Variants in LRRC27 observed in about 807,000 individuals in gnomAD.
LRRC27 encodes the protein leucine rich repeat containing 27.
In LRRC27, 57 loss-of-function variants were observed where a neutral mutation model predicts 55.0. The observed-to-expected ratio is 1.04, with a 90% CI of 0.84 to 1.29. LRRC27 has a LOEUF of 1.29. Ranked by LOEUF, LRRC27 falls within the 50% of genes most tolerant of loss-of-function variation. The pLI, the probability that LRRC27 is intolerant of heterozygous loss-of-function variation, is 0.00. For missense variants in LRRC27, 721 were observed against 651.5 expected, an observed-to-expected ratio of 1.11 and a Z score of -1.16; for synonymous variants, 278 against 251.9, an observed-to-expected ratio of 1.10 and a Z score of -0.98.
intron 10 of LRRC27, among the ~76,000 whole-genome samples, chr10:132,368,510 T>C (rs1417388994): frequency 1.3e-5 from 2 of 152,176 alleles, no homozygotes; most frequent in Admixed American, 6.5e-5. Flanking sequence ...CACACAAATA[T>C]AGTTAACTGA....
chr10:132,357,649 G>C (rs924854278), intron 8 of LRRC27, among the ~76,000 whole-genome samples: 1 of 152,328 alleles, frequency 6.6e-6, no homozygotes, highest in East Asian at 1.9e-4. Flanking sequence ...CTCTGGGGAG[G>C]GGGGCGCAGA....
intron 2 of LRRC27, chr10:132,335,141 G>C (rs1359549081): frequency 6.6e-6 from 1 of 152,250 alleles, no homozygotes; most frequent in Non-Finnish European, 1.5e-5. Flanking sequence ...AATGGACTCA[G>C]AGAACAGTGG....
At chr10:132,342,397 C>G in intron 4 of LRRC27, 126 bp downstream of exon 4, 1 of 641,012 alleles carries the variant, frequency 1.6e-6, no homozygotes, top group Non-Finnish European at 2.6e-6. Context: ...CTTCCTACTT[C>G]TAGGACCAAG....
chr10:132,364,481 C>G lies in LRRC27; in HGVS notation c.1290-943C>G, dbSNP rs74208603. Among the ~76,000 whole-genome samples the G allele has an allele frequency of 1.2e-3, 10 of 8,524 alleles. No homozygotes were observed. In the East Asian group the frequency reaches 0.075, roughly 64 times the overall value. The allele number at this position is 8,524 out of a possible 152,430, so 5.6% of individuals were successfully genotyped here. ...CACACCCACCCACACTTACACCCACCCACACTTACACCCACCCTTACATCT... is the reference window on the plus strand; with the variant it reads ...CACACCCACCCACACTTACACCCACGCACACTTACACCCACCCTTACATCT... On this transcript the variant is annotated intron_variant, in intron 9 of 10. Transcript: ENST00000368614.
chr10:132,371,291 G>A (rs1044469874), intron 10 of LRRC27, among the ~76,000 whole-genome samples: 3 of 147,136 alleles, frequency 2.0e-5, no homozygotes, highest in Admixed American at 6.6e-5. Flanking sequence ...GGGGAAGTAG[G>A]AGGGACTGGA....
intron 2 of LRRC27, 139 bp from the exon 3 acceptor site, chr10:132,337,426 G>A: frequency 7.0e-7 from 1 of 1,436,718 alleles, no homozygotes; most frequent in Non-Finnish European, 9.1e-7. Flanking sequence ...TTAAGGGTAA[G>A]AGATTGGGTT....
rs1050341847 is a variant in LRRC27 at position 132,380,122 on chromosome 10, C to T, written c.*4880C>T. 1.3e-5 allele frequency among the ~76,000 whole-genome samples: 2 copies of T among 152,048 alleles called. No individual in the cohort carries two copies. Among genetic ancestry groups the T allele is most frequent in the African/African-American group, 2.4e-5 (1 of 41,376 alleles). ...GACCAGCCTGGCCAACATGGAGAAA[C>T]CCCGTGACTACTAAAAATAAAAAAT... On this transcript the variant is annotated 3_prime_UTR_variant, in exon 11 of 11. Coordinates refer to ENST00000368614, the MANE Select transcript of LRRC27 (RefSeq NM_030626.3).
chr10:132,359,735 G>C (rs987081268), intron 8 of LRRC27, among the ~76,000 whole-genome samples: 4 of 152,236 alleles, frequency 2.6e-5, no homozygotes, highest in African/African-American at 9.6e-5. Context: ...GTGAAGCCTG[G>C]GTCTGTCACC....
At position 132,333,746 on chromosome 10, in the gene LRRC27, T is replaced by C; in HGVS notation, c.210+12T>C. On this transcript the variant is annotated intron_variant, in intron 2 of 10. Coordinates refer to ENST00000368614, the MANE Select transcript of LRRC27 (RefSeq NM_030626.3). ...TCCCCAGCCTTCAAGTAAGTGGGGC[T>C]GCTCCTCAGGCTGTGTGCCCACAGG... The C allele has an allele frequency of 6.2e-7, 1 of 1,609,300 alleles. No homozygotes were observed. Among genetic ancestry groups the C allele is most frequent in the Non-Finnish European group, 8.5e-7 (1 of 1,178,110 alleles).
intron 5 of LRRC27, among the ~76,000 whole-genome samples, chr10:132,345,396 A>G (rs1420674673): frequency 3.3e-5 from 5 of 152,238 alleles, no homozygotes; most frequent in African/African-American, 1.2e-4. Flanking sequence ...GTCTTCGTAA[A>G]TAACGTGTGG....
chr10:132,335,880 A>G (rs1423481326), intron 2 of LRRC27, among the ~76,000 whole-genome samples: 1 of 152,186 alleles, frequency 6.6e-6, no homozygotes, highest in Non-Finnish European at 1.5e-5. Flanking sequence ...TTTGCGGGCT[A>G]GTAAACTTTC....
At chr10:132,345,877 T>C (rs1191900206) in intron 5 of LRRC27, among the ~76,000 whole-genome samples, 1 of 152,122 alleles carries the variant, frequency 6.6e-6, no homozygotes, top group Non-Finnish European at 1.5e-5. Flanking sequence ...ACTAAAGGAA[T>C]AGGAAACTGG....
chr10:132,330,267 C>A (rs985371715), upstream of LRRC27: 50 of 573,500 alleles, frequency 8.7e-5, no homozygotes, highest in East Asian at 1.4e-3. Context: ...GCAACAATAA[C>A]AAGCAAGAGG....
rs866614615 is a variant in LRRC27, at chr10:132,364,485, A to G, written c.1290-939A>G. On this transcript the variant is annotated intron_variant, in intron 9 of 10. Transcript: ENST00000368614. The stretch of plus-strand genomic sequence containing the variant: ...CCCACCCACACTTACACCCACCCAC[A>G]CTTACACCCACCCTTACATCTACCT... Among the ~76,000 whole-genome samples the G allele has an allele frequency of 2.6e-3, 251 of 96,112 alleles. 3 individuals are homozygous for G. The highest frequency in any genetic ancestry group is 4.7e-3 in the East Asian group (17 of 3,590). 63.1% of individuals were successfully genotyped at this position (96,112 alleles called of 152,430 possible). A position where few individuals can be genotyped will look rare whatever the true frequency, so the allele number is the denominator to read the frequency against.
At position 132,344,785 on chromosome 10, in the gene LRRC27, C is replaced by A. The variant is rs537375577; in HGVS notation, c.553+135C>A. ...CCATGGGTCCTCTGCTGAGTTGACA[C>A]AGTGTACACTGATCTCAGGCCGACC... On this transcript the variant is annotated intron_variant, in intron 5 of 10. Transcript: ENST00000368614. 142 of 901,358 alleles carry A rather than the reference C, an allele frequency of 1.6e-4. No individual in the cohort carries two copies. The African/African-American group carries it at 2.1e-3, about 13-fold the overall frequency. The allele number at this position is 901,358 out of a possible 1,614,324, so 55.8% of individuals were successfully genotyped here. A position where few individuals can be genotyped will look rare whatever the true frequency, so the allele number is the denominator to read the frequency against.
intron 3 of LRRC27, among the ~76,000 whole-genome samples, chr10:132,338,783 C>A (rs2067253243): frequency 1.3e-5 from 2 of 148,986 alleles, no homozygotes; most frequent in African/African-American, 2.5e-5. Context: ...GATCTCGGCT[C>A]ACTGCAACCT....
intron 9 of LRRC27, among the ~76,000 whole-genome samples, chr10:132,363,740 T>A (rs1452050366): frequency 1.3e-5 from 2 of 152,258 alleles, no homozygotes; most frequent in East Asian, 3.9e-4. Context: ...TCAGCGTACG[T>A]CTGCCAGGGG....
intron 9 of LRRC27, among the ~76,000 whole-genome samples, chr10:132,363,721 C>A (rs2068759898): frequency 6.6e-6 from 1 of 152,172 alleles, no homozygotes; most frequent in South Asian, 2.1e-4. Flanking sequence ...CTGGCCCCGG[C>A]CCTGCTGCTC....
At chr10:132,352,362 G>A (rs1412996187) in intron 7 of LRRC27, among the ~76,000 whole-genome samples, 6 of 101,808 alleles carry the variant, frequency 5.9e-5, no homozygotes, top group African/African-American at 2.6e-4. Context: ...CAGGTGCAGC[G>A]CTCGTGGTCT....
Sources: allele counts gnomAD v4.1 joint callset (sites outside exome capture counted in the v4.1 genomes callset), GRCh38; gene constraint gnomAD v4.1.1; transcripts MANE v1.5; gene names NCBI Gene and HGNC (gene_info 2026-07-23, HGNC 2026-07-21).